KAZN: variants seen among roughly 807,000 people sequenced by gnomAD.
The protein encoded by KAZN is kazrin, periplakin interacting protein, also known as kazrin.
In KAZN, 40 loss-of-function variants were observed where a neutral mutation model predicts 87.4. The observed-to-expected ratio is 0.46, with a 90% CI of 0.36 to 0.60. The LOEUF (loss-of-function observed/expected upper bound fraction) is 0.60, where lower values mean the gene tolerates loss of function less well. KAZN is among the 20% of genes least tolerant of loss of function. The pLI, the probability that KAZN is intolerant of heterozygous loss-of-function variation, is 0.00. For missense variants in KAZN, 898 were observed against 1,073.9 expected, an observed-to-expected ratio of 0.84 and a Z score of 2.29; for synonymous variants, 466 against 458.3, an observed-to-expected ratio of 1.02 and a Z score of -0.22.
At chr1:14,732,542 G>A (rs896670564) in intron 1 of KAZN, among the ~76,000 whole-genome samples, 2 of 152,166 alleles carry the variant, frequency 1.3e-5, no homozygotes, top group African/African-American at 4.8e-5. Flanking sequence ...GGGAGGCTGA[G>A]GTCAGAGGAT....
chr1:14,650,551 CA>C (rs1245736765), intron 1 of KAZN, among the ~76,000 whole-genome samples: 1 of 152,102 alleles, frequency 6.6e-6, no homozygotes, highest in Non-Finnish European at 1.5e-5. Context: ...GTCTCAAAAA[CA>C]AACAGATAAA....
At chr1:14,828,049 A>G (rs1646947771) in intron 1 of KAZN, among the ~76,000 whole-genome samples, 1 of 152,244 alleles carries the variant, frequency 6.6e-6, no homozygotes, top group Non-Finnish European at 1.5e-5. Context: ...CACACAGGGC[A>G]TAACTCAGCC....
intron 1 of KAZN, among the ~76,000 whole-genome samples, chr1:14,897,369 T>C (rs907779897): frequency 6.6e-6 from 1 of 152,170 alleles, no homozygotes; most frequent in Non-Finnish European, 1.5e-5. Context: ...TGGCAAGGAT[T>C]ATGGGATTAT....
intron 1 of KAZN, among the ~76,000 whole-genome samples, chr1:13,901,644 T>C (rs774517789): frequency 6.6e-6 from 1 of 152,256 alleles, no homozygotes; most frequent in Non-Finnish European, 1.5e-5. Context: ...TTACAAGCTC[T>C]GGCTTAAGCG....
chr1:14,477,495 T>A (rs1157963044), intron 2 of KAZN, among the ~76,000 whole-genome samples: 1 of 151,810 alleles, frequency 6.6e-6, no homozygotes, highest in Non-Finnish European at 1.5e-5. Context: ...CTCTTAAATG[T>A]GCTTTTCATC....
chr1:15,077,743 G>A lies in KAZN; in HGVS notation c.1222+11990G>A, dbSNP rs370726469. ...TATCCAAGAAATCCCAGGAGGCTGC[G>A]CAGTTATCAGCATGAAAAGCAGCTG... is the stretch of plus-strand genomic sequence containing the variant. On this transcript the variant is annotated intron_variant, in intron 8 of 14. Coordinates refer to ENST00000376030, the MANE Select transcript of KAZN (RefSeq NM_201628.3). The surrounding 1 kb of genome is among the most constrained non-coding windows in gnomAD (Gnocchi z 4.8). Among the ~76,000 whole-genome samples, 23 of 152,318 alleles carry A rather than the reference G, an allele frequency of 1.5e-4. No individual in the cohort carries two copies. The highest frequency in any genetic ancestry group is 3.4e-3 in the Middle Eastern group (1 of 294).
In KAZN at chr1:13,927,967, G is replaced by A. The variant is rs138488690; in HGVS notation, c.91+34211G>A. The stretch of plus-strand genomic sequence containing the variant: ...TTCTATGGTGGGAACAAGCCTGGCA[G>A]TGGGTTCAAGGAACAGAAAAGAGAG... On this transcript the variant is annotated intron_variant, in intron 1 of 16. Coordinates refer to the KAZN transcript ENST00000636203. Among the ~76,000 whole-genome samples the A allele has an allele frequency of 6.5e-3, 993 of 152,344 alleles. 10 individuals carry two copies. The highest frequency in any genetic ancestry group is 0.023 in the African/African-American group (956 of 41,580).
chr1:14,603,095 T>C (rs1340932501), intron 1 of KAZN, among the ~76,000 whole-genome samples: 1 of 152,246 alleles, frequency 6.6e-6, no homozygotes, highest in African/African-American at 2.4e-5. Context: ...TAAATTACCT[T>C]TGGAGTGAAT....
intron 2 of KAZN, among the ~76,000 whole-genome samples, chr1:14,469,426 C>A (rs1165918367): frequency 6.6e-6 from 1 of 152,138 alleles, no homozygotes; most frequent in Non-Finnish European, 1.5e-5. Flanking sequence ...AGACATGAAA[C>A]CTCTTTCACT....
At position 15,065,651 on chromosome 1, in the gene KAZN, C is replaced by A; in HGVS notation, c.1120C>A (p.Gln374Lys). 6.2e-7 allele frequency: 1 copy of A among 1,613,572 alleles called. No individual in the cohort carries two copies. The highest frequency in any genetic ancestry group is 8.5e-7 in the Non-Finnish European group (1 of 1,179,656). The change falls in exon 8 of 15, where the codon CAA (glutamine) becomes AAA (lysine). Residue 374 changes from glutamine (Q) to lysine (K), a missense_variant. Gln to Lys is a moderately conservative substitution (Grantham distance 53). Transcript: ENST00000376030. ...IVQSLEDLEDQKRKKKKEKMG... is the reference protein window; with the variant it reads ...IVQSLEDLEDKKRKKKKEKMG... Reference sequence around the variant, plus strand: ...TCAGTCACTAGAGGATCTTGAAGACCAAAAACGGAAAAAGAAGAAAGAGAA... The same window carrying A: ...TCAGTCACTAGAGGATCTTGAAGACAAAAAACGGAAAAAGAAGAAAGAGAA...
chr1:14,458,766 C>G (rs1286276384), intron 2 of KAZN, among the ~76,000 whole-genome samples: 1 of 152,190 alleles, frequency 6.6e-6, no homozygotes, highest in Admixed American at 6.5e-5. Context: ...TTCATGGGGT[C>G]AGAGACTCCG....
chr1:14,739,050 A>G (rs990309650), intron 1 of KAZN, among the ~76,000 whole-genome samples: 9 of 152,060 alleles, frequency 5.9e-5, no homozygotes, highest in African/African-American at 1.9e-4. Flanking sequence ...GGTGGTATAC[A>G]CCTGTGGTCC....
intron 2 of KAZN, among the ~76,000 whole-genome samples, chr1:14,367,264 G>A (rs1412847424): frequency 6.6e-6 from 1 of 152,112 alleles, no homozygotes; most frequent in Non-Finnish European, 1.5e-5. Flanking sequence ...GGGAAAGGAA[G>A]CTGGAAGGGA....
chr1:15,112,582 C>T (rs201616561), intron 14 of KAZN, 41 bp downstream of exon 14: 31 of 523,526 alleles, frequency 5.9e-5, no homozygotes, highest in African/African-American at 4.1e-4. Flanking sequence ...CCTGCAGACC[C>T]GGGAAAGGTC....
chr1:14,562,150 C>T (rs2148529731), intron 2 of KAZN, among the ~76,000 whole-genome samples: 1 of 152,252 alleles, frequency 6.6e-6, no homozygotes, highest in Non-Finnish European at 1.5e-5. Flanking sequence ...TTCTGTTTGG[C>T]AAATAAATTG....
intron 1 of KAZN, among the ~76,000 whole-genome samples, chr1:13,975,853 C>G (rs558056801): frequency 6.6e-6 from 1 of 152,170 alleles, no homozygotes; most frequent in African/African-American, 2.4e-5. Context: ...TATGAGTACA[C>G]GCATAGTAAA....
chr1:14,410,024 CAG>C (rs1191696112), intron 2 of KAZN, among the ~76,000 whole-genome samples: 11 of 152,176 alleles, frequency 7.2e-5, no homozygotes, highest in Non-Finnish European at 1.3e-4. Context: ...GGAAATTACT[CAG>C]AATGTATTGC....
chr1:14,405,261 G>C (rs1269941605), intron 2 of KAZN, among the ~76,000 whole-genome samples: 3 of 152,116 alleles, frequency 2.0e-5, no homozygotes, highest in African/African-American at 7.2e-5. Flanking sequence ...CTTTGTATTG[G>C]GTATGAGCCT....
chr1:14,408,644 C>T (rs1315540147), intron 2 of KAZN, among the ~76,000 whole-genome samples: 2 of 152,106 alleles, frequency 1.3e-5, no homozygotes, highest in South Asian at 2.1e-4. Flanking sequence ...GGACACTTAC[C>T]CTATCAGATC....
Sources: allele counts gnomAD v4.1 joint callset (sites outside exome capture counted in the v4.1 genomes callset), GRCh38; gene constraint gnomAD v4.1.1; non-coding constraint Gnocchi (gnomAD v3.1); transcripts MANE v1.5; gene names NCBI Gene and HGNC (gene_info 2026-07-23, HGNC 2026-07-21).